Variants in SMYD4 observed in about 807,000 individuals in gnomAD.
SMYD4 encodes SET and MYND domain containing 4.
In SMYD4, 68 loss-of-function variants were observed where a neutral mutation model predicts 72.8. The ratio of observed to expected loss-of-function variants is 0.93; its 90% confidence interval spans 0.77 to 1.14. The LOEUF is 1.14. SMYD4 is among the 50% of genes most tolerant of loss of function. The pLI, the probability that SMYD4 is intolerant of heterozygous loss-of-function variation, is 0.00. For synonymous variants in SMYD4, 407 were observed against 388.6 expected, an observed-to-expected ratio of 1.05 and a Z score of -0.56; for missense variants, 984 against 1,003.7, an observed-to-expected ratio of 0.98 and a Z score of 0.27.
At chr17:1,815,674 T>C (rs1473730810) in intron 2 of SMYD4, among the ~76,000 whole-genome samples, 3 of 145,418 alleles carry the variant, frequency 2.1e-5, no homozygotes, top group East Asian at 4.0e-4. Flanking sequence ...AAAAAAAAAA[T>C]TGAGGTAGTA....
intron 5 of SMYD4, among the ~76,000 whole-genome samples, chr17:1,789,263 C>T (rs1908875854): frequency 6.6e-6 from 1 of 152,142 alleles, no homozygotes; most frequent in South Asian, 2.1e-4. Context: ...TGGCATGCGC[C>T]TGTAGTCCCA....
chr17:1,798,432 C>T lies in SMYD4; in HGVS notation c.1537+1425G>A, dbSNP rs114075542. On this transcript the variant is annotated intron_variant, in intron 5 of 10. Transcript: ENST00000305513. ...GTGTATGTACCTTATAAGAAACTTGCTATTACTATTTATTTGAGACAGTTT... is the reference window on the plus strand; with the variant it reads ...GTGTATGTACCTTATAAGAAACTTGTTATTACTATTTATTTGAGACAGTTT... Among the ~76,000 whole-genome samples the T allele has an allele frequency of 3.7e-3, 570 of 152,080 alleles. 7 individuals carry two copies. The highest frequency in any genetic ancestry group is 0.012 in the African/African-American group (504 of 41,502).
rs558956927 is a variant in SMYD4, at chr17:1,812,589, C to T, written c.135-474G>A. Among the ~76,000 whole-genome samples, 146 of 145,974 alleles carry T rather than the reference C, an allele frequency of 1.0e-3. 1 individual carries two copies. Among genetic ancestry groups the T allele is most frequent in the Non-Finnish European group, 1.8e-3 (119 of 67,060 alleles). On this transcript the variant is annotated intron_variant, in intron 2 of 10. Transcript: ENST00000305513. ...TTTTTGAGATGGAGTCTCACTGTCA[C>T]CCAGGCTGGAGTGCAGAATCATGAT... is the stretch of plus-strand genomic sequence containing the variant.
At chr17:1,817,730 G>A (rs967186598) in intron 2 of SMYD4, among the ~76,000 whole-genome samples, 1 of 152,088 alleles carries the variant, frequency 6.6e-6, no homozygotes, top group African/African-American at 2.4e-5. Context: ...TAAATCCAAT[G>A]TCAAGATTTT....
rs1162960314 is a variant in SMYD4, at chr17:1,800,507, C to A, written c.887G>T (p.Cys296Phe). The change falls in exon 5 of 11, where the codon TGT becomes TTT. Residue 296 changes from cysteine to phenylalanine, a missense_variant. Physicochemically the swap from Cys to Phe is radical, Grantham distance 205. Transcript: ENST00000305513. ...CAAAGTGTGCTTCAAACATCGGTGA[C>A]AATAGAGGTCCCCATTGGTGACTCT... is the stretch of plus-strand genomic sequence containing the variant. The part of the protein sequence containing the change: ...DTRVTNGDLY[C>F]HRCLKHTLAT... 6.2e-7 allele frequency: 1 copy of A among 1,614,050 alleles called. No homozygotes were observed. Among genetic ancestry groups the A allele is most frequent in the Admixed American group, 1.7e-5 (1 of 59,984 alleles).
At chr17:1,799,749 A>G in intron 5 of SMYD4, 108 bp downstream of exon 5, 1 of 1,067,028 alleles carries the variant, frequency 9.4e-7, no homozygotes, top group Non-Finnish European at 1.3e-6. Context: ...TGATCCCATT[A>G]GCTCAATGAT....
chr17:1,786,770 G>A (rs1300997757), intron 7 of SMYD4, 40 bp downstream of exon 7: 1 of 1,612,114 alleles, frequency 6.2e-7, no homozygotes, highest in East Asian at 2.2e-5. Context: ...GTGGAAAACT[G>A]ACCTCCAGGA....
chr17:1,797,797 T>A (rs556633772), intron 5 of SMYD4, among the ~76,000 whole-genome samples: 2 of 151,962 alleles, frequency 1.3e-5, no homozygotes, highest in African/African-American at 4.8e-5. Flanking sequence ...AGGTCAGGAG[T>A]TCGAGACCAG....
chr17:1,826,707 G>A (rs1056714807), intron 2 of SMYD4, among the ~76,000 whole-genome samples: 1 of 152,096 alleles, frequency 6.6e-6, no homozygotes, highest in Admixed American at 6.6e-5. Context: ...TTCTGGATCT[G>A]CAAATATATA....
chr17:1,785,298 C>T (rs1418766467), intron 7 of SMYD4, among the ~76,000 whole-genome samples: 6 of 150,014 alleles, frequency 4.0e-5, no homozygotes, highest in Non-Finnish European at 7.4e-5. Context: ...TGGTGGCGGG[C>T]GCCTGTAGTC....
chr17:1,816,518 A>G (rs968879324), intron 2 of SMYD4, among the ~76,000 whole-genome samples: 31 of 151,520 alleles, frequency 2.0e-4, no homozygotes, highest in Middle Eastern at 3.4e-3. Context: ...TACTCGGGGG[A>G]CTGAGGCAAG....
chr17:1,818,150 T>C (rs1022887986), intron 2 of SMYD4, among the ~76,000 whole-genome samples: 1 of 152,092 alleles, frequency 6.6e-6, no homozygotes, highest in Non-Finnish European at 1.5e-5. Flanking sequence ...CTTCAGCCTT[T>C]TGCATGTAGC....
At chr17:1,814,062 G>A (rs1443191957) in intron 2 of SMYD4, among the ~76,000 whole-genome samples, 1 of 152,154 alleles carries the variant, frequency 6.6e-6, no homozygotes, top group Non-Finnish European at 1.5e-5. Context: ...TGTAATTCCA[G>A]CACTTTGGGA....
intron 2 of SMYD4, among the ~76,000 whole-genome samples, chr17:1,816,703 C>T (rs1376045286): frequency 2.6e-5 from 4 of 151,504 alleles, no homozygotes; most frequent in Admixed American, 6.6e-5. Context: ...TGCACTCTAA[C>T]CTGGGCAACA....
At chr17:1,809,074 G>A (rs1597387790) in intron 3 of SMYD4, among the ~76,000 whole-genome samples, 1 of 152,082 alleles carries the variant, frequency 6.6e-6, no homozygotes, top group Non-Finnish European at 1.5e-5. Flanking sequence ...ACAGGGCCTC[G>A]CTGTGTTGCC....
chr17:1,787,390 G>A (rs1484035803), intron 6 of SMYD4, 32 bp downstream of exon 6: 5 of 1,550,368 alleles, frequency 3.2e-6, no homozygotes, highest in Non-Finnish European at 3.5e-6. Context: ...TGTTGGAGAA[G>A]GGCAGGATGG....
chr17:1,799,175 C>T (rs987076350), intron 5 of SMYD4, among the ~76,000 whole-genome samples: 3 of 146,998 alleles, frequency 2.0e-5, no homozygotes, highest in Non-Finnish European at 4.5e-5. Context: ...AGGAGAATGG[C>T]GTGAACCTGG....
intron 5 of SMYD4, among the ~76,000 whole-genome samples, 180 bp downstream of exon 5, chr17:1,799,672 CAGGAT>C (rs1259746322): frequency 6.6e-6 from 1 of 152,088 alleles, no homozygotes; most frequent in African/African-American, 2.4e-5. Flanking sequence ...CCACGCCTGG[CAGGAT>C]CAAATAATTT....
chr17:1,821,372 G>C (rs1020590252), intron 2 of SMYD4, among the ~76,000 whole-genome samples: 5 of 151,900 alleles, frequency 3.3e-5, no homozygotes, highest in African/African-American at 1.2e-4. Context: ...AAATTAGCTG[G>C]GCGCGGTGGT....
Sources: allele counts gnomAD v4.1 joint callset (sites outside exome capture counted in the v4.1 genomes callset), GRCh38; gene constraint gnomAD v4.1.1; transcripts MANE v1.5; gene names NCBI Gene and HGNC (gene_info 2026-07-23, HGNC 2026-07-21).